Variants in CEP128 observed in about 807,000 individuals in gnomAD.
The protein encoded by CEP128 is centrosomal protein 128kDa.
CEP128 carries 132 observed loss-of-function variants against 156.7 expected under a neutral mutation model. The observed-to-expected ratio is 0.84, with a 90% confidence interval of 0.73 to 0.97. The LOEUF is 0.97. Among genes scored for constraint, CEP128 ranks in the 50% least tolerant of loss-of-function variants. CEP128 has a pLI of 0.00. For missense variants in CEP128, 1,252 were observed against 1,281.9 expected, an observed-to-expected ratio of 0.98 and a Z score of 0.36; for synonymous variants, 469 against 448.9, an observed-to-expected ratio of 1.04 and a Z score of -0.57.
At chr14:80,811,215 T>A (rs1346439291) in intron 13 of CEP128, among the ~76,000 whole-genome samples, 4 of 152,204 alleles carry the variant, frequency 2.6e-5, no homozygotes, top group African/African-American at 9.6e-5. Flanking sequence ...TGATTCCATG[T>A]CTTTGCTATT....
intron 18 of CEP128, among the ~76,000 whole-genome samples, chr14:80,750,615 A>G (rs541611391): frequency 3.9e-5 from 6 of 152,298 alleles, no homozygotes; most frequent in East Asian, 1.9e-4. Flanking sequence ...CTTTTCTCCA[A>G]TGCTTTTCCA....
intron 4 of CEP128, among the ~76,000 whole-genome samples, chr14:80,911,734 TG>T (rs375953131): frequency 3.3e-4 from 50 of 152,316 alleles, no homozygotes; most frequent in Non-Finnish European, 6.8e-4. Flanking sequence ...GAGGTAGATT[TG>T]GTCGTTCAGT....
At chr14:80,956,020 C>T in intron 2 of CEP128, 1 of 768,626 alleles carries the variant, frequency 1.3e-6, no homozygotes, top group Non-Finnish European at 2.2e-6. Flanking sequence ...AAAACTTAAT[C>T]GCCCACACTT....
chr14:80,708,140 T>A (rs1373223950), intron 19 of CEP128, among the ~76,000 whole-genome samples: 1 of 152,184 alleles, frequency 6.6e-6, no homozygotes, highest in Non-Finnish European at 1.5e-5. Context: ...CATTTGGTTA[T>A]TTCCAGTATT....
At chr14:80,900,387 C>T (rs1019318406) in intron 6 of CEP128, among the ~76,000 whole-genome samples, 1 of 152,122 alleles carries the variant, frequency 6.6e-6, no homozygotes. Context: ...GGCCCAATAG[C>T]GACTATTCCA....
chr14:80,546,205 A>G (rs1594979501), intron 21 of CEP128, among the ~76,000 whole-genome samples: 1 of 152,224 alleles, frequency 6.6e-6, no homozygotes, highest in African/African-American at 2.4e-5. Context: ...TAAAATTTAG[A>G]AAAGGACTTT....
At position 80,785,066 on chromosome 14, in the gene CEP128, A is replaced by G. The variant is rs758068677; in HGVS notation, c.2040T>C (p.Ala680=). 13 of 1,614,050 alleles carry G rather than the reference A, an allele frequency of 8.1e-6. No individual in the cohort carries two copies. Among genetic ancestry groups the G allele is most frequent in the Non-Finnish European group, 2.5e-6 (3 of 1,180,016 alleles). Residue 680 remains alanine, a synonymous_variant, in exon 15 of 25, where the codon GCT becomes GCC. Coordinates refer to ENST00000555265, the MANE Select transcript of CEP128 (RefSeq NM_152446.5). ...AQAKSRDEET[A]TIITQLKLER... ...CCAGCTTTAACTGTGTGATGATTGTAGCTGTTTCTTCATCCCTGGATTTTG... is the reference window on the plus strand; with the variant it reads ...CCAGCTTTAACTGTGTGATGATTGTGGCTGTTTCTTCATCCCTGGATTTTG...
chr14:80,502,187 C>A (rs375633275), intron 24 of CEP128, among the ~76,000 whole-genome samples: 1 of 152,188 alleles, frequency 6.6e-6, no homozygotes, highest in Non-Finnish European at 1.5e-5. Context: ...CTAACACCAC[C>A]GGCTTGCCCT....
chr14:80,949,611 G>A (rs1406170795), intron 2 of CEP128, among the ~76,000 whole-genome samples: 1 of 152,086 alleles, frequency 6.6e-6, no homozygotes, highest in African/African-American at 2.4e-5. Flanking sequence ...ATTGCCTCGG[G>A]AATGAGGAAT....
At chr14:80,641,860 C>T (rs1482519031) in intron 19 of CEP128, among the ~76,000 whole-genome samples, 4 of 151,722 alleles carry the variant, frequency 2.6e-5, no homozygotes, top group African/African-American at 4.8e-5. Context: ...AAGGCCAAGG[C>T]GGGTGGATCA....
chr14:80,782,481 G>A (rs1220533759), intron 15 of CEP128, among the ~76,000 whole-genome samples: 3 of 152,060 alleles, frequency 2.0e-5, no homozygotes, highest in Non-Finnish European at 4.4e-5. Flanking sequence ...ACTAGTCTCG[G>A]TCAGTTTGTA....
chr14:80,926,804 T>C (rs1885177268), intron 2 of CEP128, among the ~76,000 whole-genome samples: 1 of 152,204 alleles, frequency 6.6e-6, no homozygotes, highest in African/African-American at 2.4e-5. Flanking sequence ...ACTTTTTGCA[T>C]GACCTCAGCT....
intron 14 of CEP128, among the ~76,000 whole-genome samples, chr14:80,787,447 T>C (rs1901469190): frequency 1.3e-5 from 2 of 151,878 alleles, no homozygotes; most frequent in African/African-American, 2.4e-5. Context: ...GACGTCCCCT[T>C]CTCTCAATAG....
At chr14:80,807,365 T>C (rs1007820120) in intron 13 of CEP128, among the ~76,000 whole-genome samples, 7 of 152,202 alleles carry the variant, frequency 4.6e-5, no homozygotes, top group Non-Finnish European at 8.8e-5. Context: ...GAATTCAAGA[T>C]GGCTAACTAG....
rs181752725 is a variant in CEP128 at position 80,565,450 on chromosome 14, T to C, written c.2857-6148A>G. ...TGCTTGGGGAGACTGATTTGAGTAA[T>C]AAAACTCCAGTCTCCTGCAGAGCCA... On this transcript the variant is annotated intron_variant, in intron 20 of 24. Transcript: ENST00000555265. Among the ~76,000 whole-genome samples the C allele has an allele frequency of 4.8e-4, 73 of 152,236 alleles. 1 individual carries two copies. The East Asian group carries it at 0.014, about 29-fold the overall frequency.
intron 19 of CEP128, among the ~76,000 whole-genome samples, chr14:80,587,383 C>T (rs149411164): frequency 9.2e-4 from 140 of 152,252 alleles, no homozygotes; most frequent in Admixed American, 2.6e-3. Flanking sequence ...ACAGATGGAG[C>T]CCAATTGGTC....
chr14:80,880,780 G>A (rs369636734), intron 8 of CEP128, among the ~76,000 whole-genome samples: 7 of 149,736 alleles, frequency 4.7e-5, no homozygotes, highest in Non-Finnish European at 5.9e-5. Context: ...GGAGAATGGC[G>A]TGAATCTCGG....
intron 13 of CEP128, among the ~76,000 whole-genome samples, chr14:80,807,784 A>G (rs979764201): frequency 4.6e-5 from 7 of 152,270 alleles, no homozygotes; most frequent in East Asian, 3.9e-4. Flanking sequence ...GCTGGGTGCC[A>G]CTGTGAGAGC....
intron 18 of CEP128, among the ~76,000 whole-genome samples, chr14:80,746,525 T>G (rs1224478922): frequency 6.6e-6 from 1 of 152,194 alleles, no homozygotes; most frequent in Non-Finnish European, 1.5e-5. Context: ...CTAGGACTAC[T>G]AAATATACAA....
Sources: gnomAD v4.1 joint callset for allele counts (sites outside exome capture counted in the v4.1 genomes callset) on GRCh38, gnomAD v4.1.1 for gene constraint, MANE v1.5 for transcripts, NCBI Gene and HGNC (gene_info 2026-07-23, HGNC 2026-07-21) for gene names.